Variants in AGAP1 observed in about 807,000 individuals in gnomAD.
The protein encoded by AGAP1 is ArfGAP with GTPase domain, ankyrin repeat and PH domain 1, also known as arf-GAP with GTPase, ANK repeat and PH domain-containing protein 1.
A neutral mutation model predicts 105.3 loss-of-function variants in AGAP1; 29 were observed. The observed-to-expected ratio is 0.28, with a 90% CI of 0.21 to 0.38. AGAP1 has a LOEUF of 0.38. AGAP1 is among the 10% of genes least tolerant of loss of function. AGAP1 has a pLI of 1.00. For missense variants in AGAP1, 998 were observed against 1,165.1 expected (o/e 0.86, Z 2.09); for synonymous variants, 509 against 485.9 (o/e 1.05, Z -0.63).
chr2:236,038,305 G>GAACA lies in AGAP1; in HGVS notation c.1800+1591_1800+1594dup, dbSNP rs1559214982. ...AGGCAGGGAGGCAGGCTGTGTTACC[G>GAACA]AACAGAGAGGCACAGGTTCCTGCCT... On this transcript the variant is annotated intron_variant, in intron 14 of 17. Coordinates refer to ENST00000304032, the MANE Select transcript of AGAP1 (RefSeq NM_001037131.3). This position sits in a 1 kb window ranked among gnomAD's most constrained non-coding sequence, Gnocchi z 4.5. Among the ~76,000 whole-genome samples, 1 of 152,156 alleles carries GAACA rather than the reference G, an allele frequency of 6.6e-6. No homozygotes were observed.
At chr2:235,925,801 A>T (rs574481916) in intron 11 of AGAP1, among the ~76,000 whole-genome samples, 4 of 152,152 alleles carry the variant, frequency 2.6e-5, no homozygotes, top group African/African-American at 9.7e-5. Flanking sequence ...CTGTGTTTAG[A>T]ACAGTGTTTG....
Position 235,609,966 on chromosome 2 carries a change from TCCTC to T in AGAP1, c.164-99212_164-99209del, listed in dbSNP as rs1946073384. On this transcript the variant is annotated intron_variant, in intron 1 of 17. Transcript: ENST00000304032. The surrounding 1 kb of genome is among the most constrained non-coding windows in gnomAD (Gnocchi z 5.1). ...CACCTGAGAATACCTGGTGTTTCCTTCCTCAGGGACGGTTTGGCACTGGGCAACA... is the reference window on the plus strand; with the variant it reads ...CACCTGAGAATACCTGGTGTTTCCTTAGGGACGGTTTGGCACTGGGCAACA... Among the ~76,000 whole-genome samples, 3 of 152,220 alleles carry T rather than the reference TCCTC, an allele frequency of 2.0e-5. No individual in the cohort carries two copies. Among genetic ancestry groups the T allele is most frequent in the South Asian group, 4.1e-4 (2 of 4,822 alleles).
At position 235,993,733 on chromosome 2, in the gene AGAP1, T is replaced by C. The variant is rs1291020453; in HGVS notation, c.1645+25110T>C. ...AAATACCCTAGTTTAACTTAAACTC[T>C]TTCTTACCAAACCAGCTATGCCACG... is the stretch of plus-strand genomic sequence containing the variant. On this transcript the variant is annotated intron_variant, in intron 13 of 17. Coordinates refer to ENST00000304032, the MANE Select transcript of AGAP1 (RefSeq NM_001037131.3). This position sits in a 1 kb window ranked among gnomAD's most constrained non-coding sequence, Gnocchi z 5.0. Among the ~76,000 whole-genome samples, 1 of 152,190 alleles carries C rather than the reference T, an allele frequency of 6.6e-6. No homozygotes were observed. The highest frequency in any genetic ancestry group is 2.4e-5 in the African/African-American group (1 of 41,448).
chr2:235,704,515 G>A (rs1950424721), intron 1 of AGAP1, among the ~76,000 whole-genome samples: 1 of 152,162 alleles, frequency 6.6e-6, no homozygotes, highest in Non-Finnish European at 1.5e-5. Flanking sequence ...ATGTGGTGGC[G>A]GGCGCCTGTA....
rs900156562 is a variant in AGAP1, at chr2:235,642,929, G to C, written c.164-66250G>C. On this transcript the variant is annotated intron_variant, in intron 1 of 17. Transcript: ENST00000304032. This position sits in a 1 kb window ranked among gnomAD's most constrained non-coding sequence, Gnocchi z 4.1. ...TGTCTGTAATGTGCTGCCATGACAA[G>C]GCACGGTGGTGGTGGGGACCTGGCA... Among the ~76,000 whole-genome samples the C allele has an allele frequency of 1.3e-5, 2 of 152,204 alleles. No individual in the cohort carries two copies. Among genetic ancestry groups the C allele is most frequent in the Non-Finnish European group, 2.9e-5 (2 of 68,032 alleles).
rs1950226515 is a variant in AGAP1 at position 235,701,008 on chromosome 2, TTATATGTATATATTATATATG to T, written c.164-8170_164-8150del. Among the ~76,000 whole-genome samples the T allele has an allele frequency of 2.1e-5, 1 of 48,274 alleles. No homozygotes were observed. The highest frequency in any genetic ancestry group is 4.7e-5 in the Non-Finnish European group (1 of 21,456). 31.7% of individuals were successfully genotyped at this position (48,274 alleles called of 152,430 possible). A position where few individuals can be genotyped will look rare whatever the true frequency, so the allele number is the denominator to read the frequency against. ...ATATATTATATATGCTATAATATAG[TTATATGTATATATTATATATG>T]CTATAATATAGTTATATGTATATAT... On this transcript the variant is annotated intron_variant, in intron 1 of 17. Transcript: ENST00000304032. This position sits in a 1 kb window ranked among gnomAD's most constrained non-coding sequence, Gnocchi z 4.1.
At chr2:235,498,783 T>G (rs2138646) in intron 1 of AGAP1, among the ~76,000 whole-genome samples, 129,429 of 152,138 alleles carry the variant, frequency 0.85, 55,446 homozygotes, top group East Asian at 0.99. Flanking sequence ...TGAGCCCTCA[T>G]CCAGCCCACA....
chr2:235,986,716 T>A (rs2055329459), intron 13 of AGAP1, among the ~76,000 whole-genome samples: 2 of 152,226 alleles, frequency 1.3e-5, no homozygotes, highest in Admixed American at 1.3e-4. Context: ...CTTTTCTGCA[T>A]CTATTGATAT....
intron 11 of AGAP1, among the ~76,000 whole-genome samples, chr2:235,914,074 A>G (rs1485809123): frequency 6.6e-6 from 1 of 151,808 alleles, no homozygotes; most frequent in Admixed American, 6.6e-5. Context: ...GGGGTCTATT[A>G]TGTCATCTAA....
In AGAP1 at chr2:236,002,338, C is replaced by G. The variant is rs571943575; in HGVS notation, c.1645+33715C>G. ...CTCAAAGCTCAAATATCATCCCCAC[C>G]TGGACAGTCTGCAAATGACTTTCCT... On this transcript the variant is annotated intron_variant, in intron 13 of 17. Transcript: ENST00000304032. This position sits in a 1 kb window ranked among gnomAD's most constrained non-coding sequence, Gnocchi z 4.3. 1.4e-3 allele frequency among the ~76,000 whole-genome samples: 208 copies of G among 152,352 alleles called. 2 individuals are homozygous for G. Among genetic ancestry groups the G allele is most frequent in the African/African-American group, 4.5e-3 (187 of 41,584 alleles).
rs1949755715 is a variant in AGAP1, at chr2:235,691,999, A to G, written c.164-17180A>G. Among the ~76,000 whole-genome samples, 1 of 152,208 alleles carries G rather than the reference A, an allele frequency of 6.6e-6. No individual in the cohort carries two copies. Among genetic ancestry groups the G allele is most frequent in the Admixed American group, 6.5e-5 (1 of 15,286 alleles). On this transcript the variant is annotated intron_variant, in intron 1 of 17. Coordinates refer to ENST00000304032, the MANE Select transcript of AGAP1 (RefSeq NM_001037131.3). The surrounding 1 kb of genome is among the most constrained non-coding windows in gnomAD (Gnocchi z 4.4). ...CACATTCTCTAGTTGCTGGTTATCTAGTTACTAGTGGTAAGACAGAGCCAG... is the reference window on the plus strand; with the variant it reads ...CACATTCTCTAGTTGCTGGTTATCTGGTTACTAGTGGTAAGACAGAGCCAG...
intron 13 of AGAP1, among the ~76,000 whole-genome samples, chr2:236,033,880 G>T (rs555764349): frequency 6.6e-6 from 1 of 152,358 alleles, no homozygotes; most frequent in African/African-American, 2.4e-5. Context: ...GAAGCTAATG[G>T]TTGTAATTTT....
At chr2:235,950,887 C>CTTTTTTTTT (rs200110792) in intron 12 of AGAP1, among the ~76,000 whole-genome samples, 16 of 118,254 alleles carry the variant, frequency 1.4e-4, no homozygotes, top group East Asian at 5.6e-4. Context: ...TCTCCAAGCA[C>CTTTTTTTTT]TTTTTTTTTT....
intron 12 of AGAP1, among the ~76,000 whole-genome samples, chr2:235,956,915 A>G (rs935936507): frequency 6.6e-6 from 1 of 152,260 alleles, no homozygotes; most frequent in Non-Finnish European, 1.5e-5. Flanking sequence ...CCGTCTCACT[A>G]GACCGTATAG....
intron 1 of AGAP1, among the ~76,000 whole-genome samples, chr2:235,532,865 A>C (rs1943089838): frequency 6.6e-6 from 1 of 152,132 alleles, no homozygotes; most frequent in Admixed American, 6.5e-5. Flanking sequence ...CTTAGCAGTG[A>C]CTGTGAACAG....
intron 9 of AGAP1, among the ~76,000 whole-genome samples, chr2:235,857,590 C>T (rs1372625074): frequency 6.6e-6 from 1 of 152,226 alleles, no homozygotes; most frequent in Admixed American, 6.5e-5. Context: ...ACACCAAGAA[C>T]ATGGATGCAT....
At position 235,927,643 on chromosome 2, in the gene AGAP1, T is replaced by A. The variant is rs2052518763; in HGVS notation, c.1325-3122T>A. ...GAGATTGACTTGGCTCTCCTTACTG[T>A]GTGTTGATACTTACTTCTGGAGCTT... On this transcript the variant is annotated intron_variant, in intron 11 of 17. Transcript: ENST00000304032. This position sits in a 1 kb window ranked among gnomAD's most constrained non-coding sequence, Gnocchi z 4.4. 6.6e-6 allele frequency among the ~76,000 whole-genome samples: 1 copy of A among 152,164 alleles called. No homozygotes were observed. Among genetic ancestry groups the A allele is most frequent in the African/African-American group, 2.4e-5 (1 of 41,436 alleles).
At chr2:235,547,080 C>G (rs1041471693) in intron 1 of AGAP1, among the ~76,000 whole-genome samples, 1 of 152,054 alleles carries the variant, frequency 6.6e-6, no homozygotes, top group African/African-American at 2.4e-5. Context: ...ATTCCCCATG[C>G]TTTTAGGATC....
chr2:236,049,054 C>T lies in AGAP1; in HGVS notation c.1892-5C>T, dbSNP rs202244981. ...GCGTTTAGCGTTCTGTTCCTCTTCC[C>T]GTAGATCCCAACTGGGCCAGTTTGA... is the stretch of plus-strand genomic sequence containing the variant. On this transcript the variant is annotated splice_polypyrimidine_tract_variant and splice_region_variant and intron_variant, in intron 15 of 17. Transcript: ENST00000304032. 18 of 1,612,198 alleles carry T rather than the reference C, an allele frequency of 1.1e-5. No individual in the cohort carries two copies. The highest frequency in any genetic ancestry group is 5.3e-5 in the African/African-American group (4 of 74,916).
Sources: gnomAD v4.1 joint callset for allele counts (sites outside exome capture counted in the v4.1 genomes callset) on GRCh38, gnomAD v4.1.1 for gene constraint, Gnocchi (gnomAD v3.1) non-coding constraint, MANE v1.5 for transcripts, NCBI Gene and HGNC (gene_info 2026-07-23, HGNC 2026-07-21) for gene names.